The following PADI1 variants were observed in gnomAD, a reference collection of about 807,000 sequenced individuals.
The protein encoded by PADI1 is protein-arginine deiminase type-1.
PADI1 carries 65 observed loss-of-function variants against 74.8 expected under a neutral mutation model. The ratio of observed to expected loss-of-function variants is 0.87; its 90% CI spans 0.71 to 1.07. PADI1 has a LOEUF of 1.07. Among genes scored for constraint, PADI1 ranks in the 50% least tolerant of loss-of-function variants. The pLI is 0.00. For synonymous variants in PADI1, 371 were observed against 336.2 expected (o/e 1.10, Z -1.13); for missense variants, 943 against 854.0 (o/e 1.10, Z -1.30).
At chr1:17,224,546 A>C in intron 4 of PADI1, 118 bp downstream of exon 4, 1 of 785,318 alleles carries the variant, frequency 1.3e-6, no homozygotes, top group Non-Finnish European at 2.2e-6. Context: ...TGTAGTATCC[A>C]ACCATGTAGG....
intron 4 of PADI1, among the ~76,000 whole-genome samples, chr1:17,224,947 C>G (rs1386898679): frequency 3.9e-5 from 6 of 152,090 alleles, no homozygotes; most frequent in Non-Finnish European, 8.8e-5. Context: ...GGGAAAGACT[C>G]CAGAGAGGCA....
At chr1:17,221,523 G>A (rs1169059302) in intron 1 of PADI1, among the ~76,000 whole-genome samples, 8 of 151,822 alleles carry the variant, frequency 5.3e-5, no homozygotes, top group African/African-American at 1.7e-4. Flanking sequence ...GGGATCAGTC[G>A]GGGGGAAAGG....
At position 17,222,281 on chromosome 1, in the gene PADI1, C is replaced by T. The variant is rs779489808; in HGVS notation, c.93-9C>T. 2 of 1,610,866 alleles carry T rather than the reference C, an allele frequency of 1.2e-6. No individual in the cohort carries two copies. The highest frequency in any genetic ancestry group is 1.7e-5 in the Admixed American group (1 of 59,986). ...GACTGGTTCTCTTCCCATCTCTCTTCTCTGCCAGTGATGTGCCCAAGGGTG... is the reference window on the plus strand; with the variant it reads ...GACTGGTTCTCTTCCCATCTCTCTTTTCTGCCAGTGATGTGCCCAAGGGTG... On this transcript the variant is annotated splice_polypyrimidine_tract_variant and intron_variant, in intron 1 of 15. Transcript: ENST00000375471.
At chr1:17,236,776 GAGAA>G (rs926869296) in intron 11 of PADI1, among the ~76,000 whole-genome samples, 1 of 150,642 alleles carries the variant, frequency 6.6e-6, no homozygotes, top group Non-Finnish European at 1.5e-5. Flanking sequence ...AAAAGAGAGA[GAGAA>G]AGAAAGAAAA....
chr1:17,229,198 T>C, intron 8 of PADI1, 147 bp downstream of exon 8: 1 of 648,766 alleles, frequency 1.5e-6, no homozygotes, highest in Admixed American at 2.5e-5. Context: ...CAGCAGCAGG[T>C]GGGCTGGGGC....
intron 2 of PADI1, 120 bp from the exon 3 acceptor site, chr1:17,223,501 G>C (rs2072219314): frequency 6.7e-6 from 5 of 750,432 alleles, no homozygotes; most frequent in South Asian, 4.7e-5. Flanking sequence ...TTCAGAGACT[G>C]GGGGGGTCTC....
chr1:17,216,829 C>G (rs1225773468), intron 1 of PADI1, among the ~76,000 whole-genome samples: 1 of 152,040 alleles, frequency 6.6e-6, no homozygotes, highest in Non-Finnish European at 1.5e-5. Flanking sequence ...GAGATCATGC[C>G]TTTGCACTCC....
At chr1:17,226,692 TC>T (rs2072322401) in intron 6 of PADI1, among the ~76,000 whole-genome samples, 1 of 152,076 alleles carries the variant, frequency 6.6e-6, no homozygotes, top group Admixed American at 6.5e-5. Context: ...GGGAGGCGGA[TC>T]ACCTGAGGTC....
At chr1:17,224,518 T>C (rs2072255798) in intron 4 of PADI1, 90 bp downstream of exon 4, 2 of 970,318 alleles carry the variant, frequency 2.1e-6, no homozygotes, top group Non-Finnish European at 3.2e-6. Context: ...TCCAGAAGAA[T>C]GATGGATCCC....
intron 2 of PADI1, among the ~76,000 whole-genome samples, chr1:17,222,907 C>T (rs958944076): frequency 3.3e-5 from 5 of 152,292 alleles, no homozygotes; most frequent in African/African-American, 4.8e-5. Context: ...TCTCTCTCAT[C>T]GCCTGCCCGA....
rs758979096 is a variant in PADI1 at position 17,232,854 on chromosome 1, G to T, written c.1197G>T (p.Pro399=). 1.2e-6 allele frequency: 2 copies of T among 1,612,876 alleles called. No homozygotes were observed. Among genetic ancestry groups the T allele is most frequent in the Non-Finnish European group, 1.7e-6 (2 of 1,179,658 alleles). The change falls in exon 11 of 16, where the codon CCG becomes CCT. Residue 399 remains proline (P), a synonymous_variant. Transcript: ENST00000375471. The part of the protein sequence containing the change: ...PDFGYVTREI[P]LPGPSSLDSF... ...TTGGATATGTTACCCGGGAGATCCCGCTCCCTGGTCCCTCCAGCCTTGACT... is the reference window on the plus strand; with the variant it reads ...TTGGATATGTTACCCGGGAGATCCCTCTCCCTGGTCCCTCCAGCCTTGACT...
chr1:17,233,112 G>A lies in PADI1; in HGVS notation c.1313+142G>A, dbSNP rs1327842151. 9 of 755,856 alleles carry A rather than the reference G, an allele frequency of 1.2e-5. No individual in the cohort carries two copies. The East Asian group carries it at 1.2e-4, about 10-fold the overall frequency. The allele number at this position is 755,856 out of a possible 1,614,324, so 46.8% of individuals were successfully genotyped here. A position where few individuals can be genotyped will look rare whatever the true frequency, so the allele number is the denominator to read the frequency against. On this transcript the variant is annotated intron_variant, in intron 11 of 15. Transcript: ENST00000375471. The stretch of plus-strand genomic sequence containing the variant: ...CGTGGAATCCTGGAATCAAAGACTC[G>A]GCAACCTAGGATCTCAGATTTAAAA...
intron 1 of PADI1, among the ~76,000 whole-genome samples, chr1:17,207,467 T>A (rs142298001): frequency 3.0e-4 from 46 of 152,326 alleles, no homozygotes; most frequent in African/African-American, 8.2e-4. Flanking sequence ...CAGGGGAAGA[T>A]AAATGAGCCC....
chr1:17,222,592 C>A, intron 2 of PADI1, 122 bp downstream of exon 2: 1 of 754,820 alleles, frequency 1.3e-6, no homozygotes, highest in Non-Finnish European at 2.3e-6. Context: ...CAAAGCTTAT[C>A]ACAGTACATA....
chr1:17,219,814 G>A (rs1298765649), intron 1 of PADI1, among the ~76,000 whole-genome samples: 2 of 152,128 alleles, frequency 1.3e-5, no homozygotes, highest in Non-Finnish European at 2.9e-5. Flanking sequence ...CCCAGGGGCT[G>A]GAGGGAGTAA....
intron 15 of PADI1, among the ~76,000 whole-genome samples, chr1:17,241,498 G>A: frequency 6.6e-6 from 1 of 150,556 alleles, no homozygotes; most frequent in Non-Finnish European, 1.5e-5. Flanking sequence ...AGGGTTGGAA[G>A]TGAAAGTCGG....
At chr1:17,219,727 G>T (rs1020956891) in intron 1 of PADI1, among the ~76,000 whole-genome samples, 2 of 152,032 alleles carry the variant, frequency 1.3e-5, no homozygotes, top group Non-Finnish European at 1.5e-5. Flanking sequence ...TGCAAAGCTG[G>T]GGGTTTACGG....
At chr1:17,240,845 G>A (rs1438918295) in intron 15 of PADI1, 85 bp downstream of exon 15, 3 of 1,468,920 alleles carry the variant, frequency 2.0e-6, no homozygotes, top group East Asian at 2.3e-5. Context: ...GGCTGGTGCA[G>A]AGGCTGGAGG....
chr1:17,228,858 G>T (rs1569814040), intron 7 of PADI1, 61 bp downstream of exon 7: 11 of 1,598,228 alleles, frequency 6.9e-6, no homozygotes, highest in Non-Finnish European at 9.4e-6. Flanking sequence ...CAGTTTGCAG[G>T]CTCCAGGGCT....
Sources: allele counts gnomAD v4.1 joint callset (sites outside exome capture counted in the v4.1 genomes callset), GRCh38; gene constraint gnomAD v4.1.1; transcripts MANE v1.5; gene names NCBI Gene and HGNC (gene_info 2026-07-23, HGNC 2026-07-21).